The following ATRNL1 variants were observed in gnomAD, a reference collection of about 807,000 sequenced individuals.
ATRNL1 encodes attractin-like protein 1.
ATRNL1 carries 95 observed loss-of-function variants against 182.7 expected under a neutral mutation model. That is an observed-to-expected ratio of 0.52 (90% CI 0.44 to 0.62). The LOEUF is 0.62. Ranked by LOEUF, ATRNL1 falls within the 20% of genes least tolerant of loss-of-function variation. ATRNL1 has a pLI of 0.00. For synonymous variants in ATRNL1, 576 were observed against 568.3 expected, an observed-to-expected ratio of 1.01 and a Z score of -0.19; for missense variants, 1,471 against 1,679.5, an observed-to-expected ratio of 0.88 and a Z score of 2.17.
chr10:115,195,736 C>G (rs910966154), intron 8 of ATRNL1, among the ~76,000 whole-genome samples: 1 of 152,134 alleles, frequency 6.6e-6, no homozygotes, highest in Non-Finnish European at 1.5e-5. Context: ...TTTCTACATA[C>G]TAATTAAGGC....
intron 10 of ATRNL1, among the ~76,000 whole-genome samples, chr10:115,242,338 A>G (rs1417126036): frequency 3.3e-5 from 5 of 151,980 alleles, no homozygotes; most frequent in African/African-American, 9.7e-5. Context: ...TAGTTACGCA[A>G]TATAATCCTA....
chr10:115,794,699 G>A (rs1949609432), intron 27 of ATRNL1, among the ~76,000 whole-genome samples: 1 of 151,986 alleles, frequency 6.6e-6, no homozygotes, highest in African/African-American at 2.4e-5. Context: ...CATCCTATTG[G>A]GATGTGCACA....
chr10:115,669,507 T>C (rs1259907641), intron 26 of ATRNL1, among the ~76,000 whole-genome samples: 1 of 152,154 alleles, frequency 6.6e-6, no homozygotes. Context: ...ACATTCTATG[T>C]TCAGATTCAT....
intron 26 of ATRNL1, among the ~76,000 whole-genome samples, chr10:115,625,096 T>C (rs1555024263): frequency 6.6e-6 from 1 of 152,152 alleles, no homozygotes; most frequent in Non-Finnish European, 1.5e-5. Flanking sequence ...ATACCTTCCC[T>C]AAAAGCCAAA....
chr10:115,246,553 C>CTTTTTT (rs1226864852), intron 10 of ATRNL1, among the ~76,000 whole-genome samples: 1 of 117,942 alleles, frequency 8.5e-6, no homozygotes, highest in South Asian at 2.7e-4. Context: ...CTCTCTCATT[C>CTTTTTT]TTTTTTTTTT....
chr10:115,322,455 C>T (rs1431650296), intron 18 of ATRNL1, among the ~76,000 whole-genome samples: 1 of 151,796 alleles, frequency 6.6e-6, no homozygotes, highest in Admixed American at 6.6e-5. Flanking sequence ...AAACATGTTA[C>T]ATTTTTATGG....
chr10:115,594,867 C>G (rs1592918003), intron 26 of ATRNL1, among the ~76,000 whole-genome samples: 1 of 152,274 alleles, frequency 6.6e-6, no homozygotes, highest in Middle Eastern at 3.4e-3. Flanking sequence ...GTTTGTGGCT[C>G]CAAGTCAAAC....
At chr10:115,593,051 A>G (rs1856009737) in intron 26 of ATRNL1, among the ~76,000 whole-genome samples, 1 of 152,214 alleles carries the variant, frequency 6.6e-6, no homozygotes. Context: ...TGGAGCCTGA[A>G]AAGTTCAAGG....
chr10:115,537,584 A>G (rs1852106765), intron 25 of ATRNL1, among the ~76,000 whole-genome samples: 1 of 152,206 alleles, frequency 6.6e-6, no homozygotes, highest in Non-Finnish European at 1.5e-5. Context: ...TTCCTTTTAC[A>G]TTTATAATTC....
chr10:115,722,405 G>T (rs923217819), intron 26 of ATRNL1, among the ~76,000 whole-genome samples: 1 of 152,108 alleles, frequency 6.6e-6, no homozygotes, highest in Non-Finnish European at 1.5e-5. Flanking sequence ...ACAAGAATTT[G>T]AACCTTGTGC....
At chr10:115,465,867 GA>G (rs1302231013) in intron 22 of ATRNL1, among the ~76,000 whole-genome samples, 1 of 151,322 alleles carries the variant, frequency 6.6e-6, no homozygotes, top group East Asian at 1.9e-4. Flanking sequence ...CATTCTTTTT[GA>G]AATCTTATTT....
chr10:115,093,876 G>C lies in ATRNL1; in HGVS notation c.126G>C (p.Trp42Cys), dbSNP rs1554862356. ...CCTGGCTGCTGGACGGGAACAGCTG[G>C]CTGCTGTGCTATGGCTTCCTCTACC... ...ASSWLLDGNS[W>C]LLCYGFLYLA... Residue 42 changes from tryptophan (W) to cysteine (C), a missense_variant, in exon 1 of 29, where the codon TGG (tryptophan) becomes TGC (cysteine). Physicochemically the swap from Trp to Cys is radical, Grantham distance 215. Transcript: ENST00000355044. The surrounding 1 kb of genome is among the most constrained non-coding windows in gnomAD (Gnocchi z 6.1). The C allele has an allele frequency of 6.3e-7, 1 of 1,584,976 alleles. No individual in the cohort carries two copies. The highest frequency in any genetic ancestry group is 1.8e-5 in the Admixed American group (1 of 57,066).
At chr10:115,832,447 C>T (rs1198173358) in intron 27 of ATRNL1, among the ~76,000 whole-genome samples, 2 of 152,226 alleles carry the variant, frequency 1.3e-5, no homozygotes, top group Admixed American at 6.5e-5. Context: ...TATACTTGCT[C>T]ATCATTTGAC....
At chr10:115,151,097 A>G (rs1169737971) in intron 5 of ATRNL1, among the ~76,000 whole-genome samples, 3 of 152,202 alleles carry the variant, frequency 2.0e-5, no homozygotes, top group Non-Finnish European at 4.4e-5. Context: ...TATATGTGCC[A>G]CATTTTCTTA....
intron 26 of ATRNL1, among the ~76,000 whole-genome samples, chr10:115,591,962 A>G (rs1855935362): frequency 6.6e-6 from 1 of 152,214 alleles, no homozygotes; most frequent in Admixed American, 6.5e-5. Context: ...AAAATGTAGT[A>G]CATGTACAAC....
At chr10:115,116,120 C>T (rs1195499348) in intron 1 of ATRNL1, among the ~76,000 whole-genome samples, 2 of 152,032 alleles carry the variant, frequency 1.3e-5, no homozygotes, top group Non-Finnish European at 2.9e-5. Flanking sequence ...ACTCTGTCCT[C>T]GTAGTGTGTT....
chr10:115,784,837 T>C (rs1555080063), intron 27 of ATRNL1, among the ~76,000 whole-genome samples: 2 of 152,164 alleles, frequency 1.3e-5, no homozygotes, highest in East Asian at 3.9e-4. Flanking sequence ...TTTTAACTAA[T>C]TATATTTGTA....
chr10:115,516,483 AT>A (rs1297343977), intron 24 of ATRNL1, among the ~76,000 whole-genome samples: 2 of 151,838 alleles, frequency 1.3e-5, no homozygotes, highest in Non-Finnish European at 2.9e-5. Context: ...CTCTTCTCTT[AT>A]CTTCTGGATT....
chr10:115,198,224 A>G (rs2144281647), intron 8 of ATRNL1, among the ~76,000 whole-genome samples: 1 of 152,252 alleles, frequency 6.6e-6, no homozygotes, highest in Admixed American at 6.5e-5. Flanking sequence ...GTGAAATGAT[A>G]TATCATTTTG....
Sources: gnomAD v4.1 joint callset for allele counts (sites outside exome capture counted in the v4.1 genomes callset) on GRCh38, gnomAD v4.1.1 for gene constraint, Gnocchi (gnomAD v3.1) non-coding constraint, MANE v1.5 for transcripts, NCBI Gene and HGNC (gene_info 2026-07-23, HGNC 2026-07-21) for gene names.